Variants in ITPR2 observed in about 807,000 individuals in gnomAD.
ITPR2 encodes inositol 1,4,5-trisphosphate-gated calcium channel ITPR2.
ITPR2 carries 207 observed loss-of-function variants against 317.1 expected under a neutral mutation model. The observed-to-expected ratio is 0.65, with a 90% CI of 0.58 to 0.73. The LOEUF is 0.73. ITPR2 is among the 30% of genes least tolerant of loss of function. The probability of loss-of-function intolerance (pLI) is 0.00; values close to 1 mark genes in which losing one functional copy is unlikely to be tolerated. For missense variants in ITPR2, 2,613 were observed against 3,284.0 expected, an observed-to-expected ratio of 0.80 and a Z score of 4.99; for synonymous variants, 1,156 against 1,149.1, an observed-to-expected ratio of 1.01 and a Z score of -0.12.
intron 28 of ITPR2, among the ~76,000 whole-genome samples, chr12:26,601,244 A>AAT (rs1025701826): frequency 1.4e-4 from 21 of 152,230 alleles, no homozygotes; most frequent in African/African-American, 4.8e-4. Flanking sequence ...ATTTTATATT[A>AAT]ATATTAAATA....
At chr12:26,580,436 CACCA>C (rs1945376150) in intron 32 of ITPR2, among the ~76,000 whole-genome samples, 1 of 152,168 alleles carries the variant, frequency 6.6e-6, no homozygotes, top group African/African-American at 2.4e-5. Flanking sequence ...TTCTCTTGCA[CACCA>C]ACCTCTCCCT....
In ITPR2 at chr12:26,578,730, C is replaced by A; in HGVS notation, c.4613G>T (p.Arg1538Ile). ...TGACTTACCCACTTCAGCCAAAGTT[C>A]TGATACAGGATTCCACTGAGGCTTT... ...AQKASVESCI[R>I]TLAEVAKNRG... Residue 1538 changes from arginine to isoleucine, a missense_variant, in exon 34 of 57, where the codon AGA (arginine) becomes ATA (isoleucine). Transcript: ENST00000381340. 6.2e-7 allele frequency: 1 copy of A among 1,603,690 alleles called. No homozygotes were observed. Among genetic ancestry groups the A allele is most frequent in the South Asian group, 1.1e-5 (1 of 89,674 alleles).
chr12:26,730,953 A>G (rs1949017737), intron 2 of ITPR2, among the ~76,000 whole-genome samples: 1 of 152,238 alleles, frequency 6.6e-6, no homozygotes, highest in Admixed American at 6.5e-5. Context: ...CAATAGCTGT[A>G]TAAATAGTTT....
intron 37 of ITPR2, among the ~76,000 whole-genome samples, chr12:26,502,089 A>G (rs1483491010): frequency 6.6e-6 from 1 of 152,204 alleles, no homozygotes; most frequent in East Asian, 1.9e-4. Flanking sequence ...TACTCCATAG[A>G]TAGCAAGGAA....
intron 1 of ITPR2, among the ~76,000 whole-genome samples, chr12:26,807,137 C>T (rs927033632): frequency 1.4e-4 from 21 of 151,194 alleles, no homozygotes; most frequent in Admixed American, 7.3e-4. Context: ...TGCAGTGAGC[C>T]GAGATTACAC....
intron 55 of ITPR2, among the ~76,000 whole-genome samples, chr12:26,353,633 T>A (rs1565484827): frequency 6.6e-6 from 1 of 152,252 alleles, no homozygotes. Flanking sequence ...AATAATAATT[T>A]GGCTCCATAA....
At chr12:26,413,653 T>C (rs1048529014) in intron 51 of ITPR2, among the ~76,000 whole-genome samples, 21 of 152,220 alleles carry the variant, frequency 1.4e-4, no homozygotes, top group African/African-American at 4.6e-4. Flanking sequence ...GGTTTAACTT[T>C]GTTAACTGTC....
chr12:26,668,606 G>A (rs1302149398), intron 13 of ITPR2, among the ~76,000 whole-genome samples: 3 of 152,188 alleles, frequency 2.0e-5, no homozygotes, highest in African/African-American at 4.8e-5. Flanking sequence ...AGCACATAAG[G>A]AAAGCTGACA....
chr12:26,524,984 C>T lies in ITPR2; in HGVS notation c.5073+25263G>A, dbSNP rs568644365. The stretch of plus-strand genomic sequence containing the variant: ...AAATATAGATGGAATAAAAATAAAA[C>T]ATTTCTATAATTTAAAACTAAACCT... On this transcript the variant is annotated intron_variant, in intron 37 of 56. Transcript: ENST00000381340. Among the ~76,000 whole-genome samples, 47 of 152,164 alleles carry T rather than the reference C, an allele frequency of 3.1e-4. No homozygotes were observed. In the South Asian group the frequency reaches 4.8e-3, roughly 15 times the overall value.
At chr12:26,621,372 G>T in intron 25 of ITPR2, 76 bp from the exon 26 acceptor site, 1 of 1,149,946 alleles carries the variant, frequency 8.7e-7, no homozygotes, top group African/African-American at 1.6e-5. Context: ...GATGTATATT[G>T]ACCATGAAAA....
chr12:26,575,234 G>A (rs1945248539), intron 34 of ITPR2, among the ~76,000 whole-genome samples: 1 of 149,176 alleles, frequency 6.7e-6, no homozygotes, highest in Non-Finnish European at 1.5e-5. Context: ...TTAGGCAAAG[G>A]GATGTTGCTG....
intron 34 of ITPR2, 81 bp from the exon 35 acceptor site, chr12:26,562,033 T>A: frequency 1.0e-6 from 1 of 964,268 alleles, no homozygotes; most frequent in Non-Finnish European, 1.4e-6. Flanking sequence ...CTTATAAACA[T>A]AAAAGAAAAA....
At chr12:26,464,740 A>G (rs1182964266) in intron 45 of ITPR2, among the ~76,000 whole-genome samples, 1 of 152,228 alleles carries the variant, frequency 6.6e-6, no homozygotes, top group Non-Finnish European at 1.5e-5. Context: ...AAGTCAACAC[A>G]GGCCATGTGA....
In ITPR2 at chr12:26,724,851, C is replaced by T. The variant is rs114516230; in HGVS notation, c.280-109G>A. 3.1e-3 allele frequency: 2,037 copies of T among 656,626 alleles called. 46 individuals are homozygous for T. In the African/African-American group the frequency reaches 0.034, roughly 11 times the overall value. The allele number at this position is 656,626 out of a possible 1,614,324, so 40.7% of individuals were successfully genotyped here. A position where few individuals can be genotyped will look rare whatever the true frequency, so the allele number is the denominator to read the frequency against. On this transcript the variant is annotated intron_variant, in intron 3 of 56. Coordinates refer to ENST00000381340, the MANE Select transcript of ITPR2 (RefSeq NM_002223.4). Reference sequence around the variant, plus strand: ...AGACTATAGCCAGGAATAAAATAGGCTAGTAGTAGAGTCAGGACTGTAATC... The same window carrying T: ...AGACTATAGCCAGGAATAAAATAGGTTAGTAGTAGAGTCAGGACTGTAATC...
At chr12:26,632,905 G>A (rs1946785935) in intron 21 of ITPR2, among the ~76,000 whole-genome samples, 1 of 152,172 alleles carries the variant, frequency 6.6e-6, no homozygotes, top group African/African-American at 2.4e-5. Flanking sequence ...GACAATTTAT[G>A]TTCTCCAGCC....
At chr12:26,463,554 A>T (rs1026134852) in intron 45 of ITPR2, among the ~76,000 whole-genome samples, 1 of 152,010 alleles carries the variant, frequency 6.6e-6, no homozygotes, top group African/African-American at 2.4e-5. Context: ...AATCCCAGCT[A>T]CTCGGGAGGC....
chr12:26,648,027 G>C (rs1183386745), intron 21 of ITPR2, among the ~76,000 whole-genome samples: 1 of 152,148 alleles, frequency 6.6e-6, no homozygotes, highest in African/African-American at 2.4e-5. Flanking sequence ...CCCCCAACCA[G>C]ATCTAGGATG....
chr12:26,585,352 A>G (rs775131593), intron 32 of ITPR2, among the ~76,000 whole-genome samples: 29 of 152,332 alleles, frequency 1.9e-4, no homozygotes, highest in Admixed American at 5.2e-4. Context: ...GATATATAAT[A>G]ATTTATTTAA....
At chr12:26,624,166 G>T in intron 24 of ITPR2, 133 bp downstream of exon 24, 2 of 614,030 alleles carry the variant, frequency 3.3e-6, no homozygotes, top group Admixed American at 3.2e-5. Flanking sequence ...TTCATTTCTG[G>T]CAGAAATTAT....
Sources: gnomAD v4.1 joint callset for allele counts (sites outside exome capture counted in the v4.1 genomes callset) on GRCh38, gnomAD v4.1.1 for gene constraint, MANE v1.5 for transcripts, NCBI Gene and HGNC (gene_info 2026-07-23, HGNC 2026-07-21) for gene names.